SLC39A12: variants seen among roughly 807,000 people sequenced by gnomAD.
SLC39A12 encodes solute carrier family 39 member 12, also known as zinc transporter ZIP12.
A neutral mutation model predicts 71.1 loss-of-function variants in SLC39A12; 63 were observed. That is an observed-to-expected ratio of 0.89 (90% CI 0.72 to 1.09). The LOEUF (loss-of-function observed/expected upper bound fraction) is 1.09, where lower values mean the gene tolerates loss of function less well. Ranked by LOEUF, SLC39A12 falls within the 50% of genes least tolerant of loss-of-function variation. The pLI, the probability that SLC39A12 is intolerant of heterozygous loss-of-function variation, is 0.00. For missense variants in SLC39A12, 892 were observed against 812.6 expected (o/e 1.10, Z -1.19); for synonymous variants, 351 against 301.3 (o/e 1.16, Z -1.71).
intron 11 of SLC39A12, among the ~76,000 whole-genome samples, chr10:18,001,593 G>A (rs1476533899): frequency 6.6e-6 from 1 of 152,192 alleles, no homozygotes; most frequent in African/African-American, 2.4e-5. Flanking sequence ...TTAAAGCCAA[G>A]CCTAGCATTG....
intron 12 of SLC39A12, among the ~76,000 whole-genome samples, chr10:18,041,142 C>T (rs1377259315): frequency 6.6e-6 from 1 of 152,114 alleles, no homozygotes; most frequent in Non-Finnish European, 1.5e-5. Flanking sequence ...CTGACCTTCT[C>T]AGGGTGAGGG....
chr10:18,041,793 C>A (rs796760268), intron 12 of SLC39A12, among the ~76,000 whole-genome samples: 31 of 128,352 alleles, frequency 2.4e-4, no homozygotes, highest in Non-Finnish European at 3.0e-4. Context: ...ACATATGTGT[C>A]TATATGTATA....
chr10:18,028,056 G>A (rs778526501), intron 12 of SLC39A12, among the ~76,000 whole-genome samples: 5 of 152,110 alleles, frequency 3.3e-5, no homozygotes, highest in South Asian at 2.1e-4. Flanking sequence ...ACCTGCCTCC[G>A]TGTGCACAGT....
chr10:18,030,529 G>A (rs1256329450), intron 12 of SLC39A12, among the ~76,000 whole-genome samples: 11 of 151,878 alleles, frequency 7.2e-5, no homozygotes, highest in East Asian at 5.8e-4. Context: ...GTGAGCCACC[G>A]TGCCCGGCCA....
intron 5 of SLC39A12, among the ~76,000 whole-genome samples, chr10:17,980,061 A>G (rs1307556576): frequency 2.6e-5 from 4 of 152,152 alleles, no homozygotes; most frequent in African/African-American, 9.7e-5. Context: ...GTGGGCAAAG[A>G]TCATGCATCT....
chr10:17,999,822 G>T (rs1469148235), intron 10 of SLC39A12, among the ~76,000 whole-genome samples: 1 of 152,182 alleles, frequency 6.6e-6, no homozygotes, highest in Admixed American at 6.5e-5. Context: ...ACAATGGGGA[G>T]TGAATGGGGC....
intron 2 of SLC39A12, among the ~76,000 whole-genome samples, chr10:17,957,354 G>C (rs1554847886): frequency 6.6e-6 from 1 of 152,108 alleles, no homozygotes; most frequent in African/African-American, 2.4e-5. Context: ...AGCTTGAAAG[G>C]GGAGCCTCTC....
chr10:17,974,320 T>C (rs1835050200), intron 4 of SLC39A12, among the ~76,000 whole-genome samples: 1 of 152,194 alleles, frequency 6.6e-6, no homozygotes, highest in Admixed American at 6.5e-5. Context: ...TTGATACTTG[T>C]AGATATTCGT....
intron 12 of SLC39A12, among the ~76,000 whole-genome samples, chr10:18,037,434 G>A (rs1261115286): frequency 6.6e-6 from 1 of 152,134 alleles, no homozygotes; most frequent in Admixed American, 6.5e-5. Context: ...GATCTTTGCA[G>A]TTCTTTGTAT....
chr10:18,019,258 G>A (rs1358232235), intron 12 of SLC39A12, among the ~76,000 whole-genome samples: 1 of 151,844 alleles, frequency 6.6e-6, no homozygotes, highest in Non-Finnish European at 1.5e-5. Context: ...TTGATTTCCA[G>A]TATCAGTACT....
intron 12 of SLC39A12, among the ~76,000 whole-genome samples, chr10:18,016,933 A>G (rs932928038): frequency 6.6e-6 from 1 of 152,162 alleles, no homozygotes; most frequent in East Asian, 1.9e-4. Context: ...TATTTTGGAT[A>G]CCATTCCTTT....
intron 10 of SLC39A12, among the ~76,000 whole-genome samples, chr10:17,996,677 C>T (rs894001573): frequency 4.6e-5 from 7 of 152,172 alleles, no homozygotes; most frequent in Admixed American, 4.6e-4. Context: ...TATAGCTAGT[C>T]AGCTCTAGCG....
intron 1 of SLC39A12, among the ~76,000 whole-genome samples, chr10:17,952,581 G>A (rs1342468406): frequency 6.7e-6 from 1 of 149,626 alleles, no homozygotes; most frequent in African/African-American, 2.5e-5. Context: ...CCCGCCTCCC[G>A]GGTTCAAGCA....
intron 12 of SLC39A12, among the ~76,000 whole-genome samples, chr10:18,015,425 T>C (rs1326428966): frequency 6.6e-6 from 1 of 152,156 alleles, no homozygotes; most frequent in Non-Finnish European, 1.5e-5. Context: ...TCTCTGTGTT[T>C]GATATTAGGG....
chr10:17,985,371 T>G (rs972200297), intron 6 of SLC39A12, among the ~76,000 whole-genome samples: 1 of 151,832 alleles, frequency 6.6e-6, no homozygotes, highest in African/African-American at 2.4e-5. Flanking sequence ...ATGATCTAAT[T>G]TAAAGAATGA....
At chr10:17,982,727 A>AC (rs11407350) in intron 6 of SLC39A12, among the ~76,000 whole-genome samples, 69,285 of 151,912 alleles carry the variant, frequency 0.46, 16,326 homozygotes, top group East Asian at 0.62. Flanking sequence ...ATCCCTGGGC[A>AC]GTTTACATTC....
chr10:17,981,162 G>T, intron 5 of SLC39A12, 150 bp from the exon 6 acceptor site: 1 of 586,534 alleles, frequency 1.7e-6, no homozygotes, highest in East Asian at 2.9e-5. Context: ...ACGTACAGCT[G>T]AAAGTTTGCA....
At chr10:17,983,042 A>T (rs567439538) in intron 6 of SLC39A12, among the ~76,000 whole-genome samples, 59 of 149,720 alleles carry the variant, frequency 3.9e-4, no homozygotes, top group South Asian at 1.9e-3. Flanking sequence ...TTAAAAATTA[A>T]AAAAAAAAAT....
intron 12 of SLC39A12, among the ~76,000 whole-genome samples, chr10:18,034,058 G>T (rs1371583704): frequency 6.7e-6 from 1 of 149,400 alleles, no homozygotes; most frequent in African/African-American, 2.5e-5. Context: ...GCTGAGGAGA[G>T]CTTTACTTCC....
Sources: gnomAD v4.1 joint callset for allele counts (sites outside exome capture counted in the v4.1 genomes callset) on GRCh38, gnomAD v4.1.1 for gene constraint, MANE v1.5 for transcripts, NCBI Gene and HGNC (gene_info 2026-07-23, HGNC 2026-07-21) for gene names.